SLC29A4: variants seen among roughly 807,000 people sequenced by gnomAD.
SLC29A4 encodes solute carrier family 29 member 4.
In SLC29A4, 36 loss-of-function variants were observed where a neutral mutation model predicts 43.9. The ratio of observed to expected loss-of-function variants is 0.82; its 90% CI spans 0.63 to 1.08. The LOEUF (loss-of-function observed/expected upper bound fraction) is 1.08, where lower values mean the gene tolerates loss of function less well. Ranked by LOEUF, SLC29A4 falls within the 50% of genes least tolerant of loss-of-function variation. SLC29A4 has a pLI of 0.00. For synonymous variants in SLC29A4, 491 were observed against 338.0 expected (o/e 1.45, Z -4.97); for missense variants, 869 against 755.3 (o/e 1.15, Z -1.77).
At chr7:5,288,087 T>C in intron 2 of SLC29A4, 102 bp downstream of exon 2, 1 of 1,388,840 alleles carries the variant, frequency 7.2e-7, no homozygotes, top group East Asian at 2.5e-5. Context: ...TGGGTGGTCA[T>C]GGAGGACTGG....
Position 5,297,061 on chromosome 7 carries a change from CACCTGTT to C in SLC29A4, c.747_753del (p.His249GlnfsTer65). The C allele has an allele frequency of 6.2e-7, 1 of 1,608,050 alleles. No homozygotes were observed. Among genetic ancestry groups the C allele is most frequent in the Non-Finnish European group, 8.5e-7 (1 of 1,179,804 alleles). Reference sequence around the variant, plus strand: ...GCTGGAGCTGCTGTGTTTCCTGCTGCACCTGTTAGTGCGGCGCAGCCGCTTCGTGCTC... The same window carrying C: ...GCTGGAGCTGCTGTGTTTCCTGCTGCAGTGCGGCGCAGCCGCTTCGTGCTC... On this transcript the variant is annotated frameshift_variant, in exon 7 of 11. Transcript: ENST00000396872. LOFTEE classifies it high-confidence loss of function.
Position 5,305,215 on chromosome 7 carries a change from C to T in SLC29A4, c.*2276C>T, listed in dbSNP as rs536763837. The T allele has an allele frequency of 6.6e-6, 1 of 152,518 alleles. No homozygotes were observed. Among genetic ancestry groups the T allele is most frequent in the East Asian group, 1.9e-4 (1 of 5,194 alleles). The allele number at this position is 152,518 out of a possible 1,614,324, so 9.4% of individuals were successfully genotyped here. A position where few individuals can be genotyped will look rare whatever the true frequency, so the allele number is the denominator to read the frequency against. On this transcript the variant is annotated 3_prime_UTR_variant, in exon 11 of 11. Coordinates refer to ENST00000396872, the MANE Select transcript of SLC29A4 (RefSeq NM_153247.4). ...GGGCCACCTATGCTCTGGCAGGCAT[C>T]CTCCCTGGGGCCCAGGTGGGCGGCC...
At chr7:5,297,545 G>T (rs1169082949) in intron 7 of SLC29A4, among the ~76,000 whole-genome samples, 1 of 152,206 alleles carries the variant, frequency 6.6e-6, no homozygotes, top group African/African-American at 2.4e-5. Flanking sequence ...GACAGCCCAC[G>T]TTCATTCTGA....
At chr7:5,295,116 G>A (rs958495892) in intron 6 of SLC29A4, among the ~76,000 whole-genome samples, 182 bp downstream of exon 6, 1 of 152,136 alleles carries the variant, frequency 6.6e-6, no homozygotes, top group Non-Finnish European at 1.5e-5. Context: ...GAAAAGGGGT[G>A]CACTCCCACA....
rs112858373 is a variant in SLC29A4 at position 5,303,265 on chromosome 7, G to A, written c.*326G>A. On this transcript the variant is annotated 3_prime_UTR_variant, in exon 11 of 11. Transcript: ENST00000396872. The stretch of plus-strand genomic sequence containing the variant: ...CACTCTGCAGGGTCACACGCACCGT[G>A]TCCCCACCCAGGACAGCAGACACCC... 48 of 419,492 alleles carry A rather than the reference G, an allele frequency of 1.1e-4. 1 individual carries two copies. Among genetic ancestry groups the A allele is most frequent in the African/African-American group, 8.8e-4 (43 of 48,892 alleles). 26.0% of individuals were successfully genotyped at this position (419,492 alleles called of 1,614,324 possible). A position where few individuals can be genotyped will look rare whatever the true frequency, so the allele number is the denominator to read the frequency against.
intron 2 of SLC29A4, 43 bp downstream of exon 2, chr7:5,288,028 A>C: frequency 6.4e-7 from 1 of 1,562,934 alleles, no homozygotes; most frequent in Non-Finnish European, 8.6e-7. Context: ...GCCCCAAAGC[A>C]GGCTGGGCTG....
Position 5,300,598 on chromosome 7 carries a change from C to T in SLC29A4, c.1386C>T (p.Tyr462=), listed in dbSNP as rs1340769010. 13 of 1,611,246 alleles carry T rather than the reference C, an allele frequency of 8.1e-6. No individual in the cohort carries two copies. The highest frequency in any genetic ancestry group is 3.3e-5 in the Admixed American group (2 of 59,936). ...TGCTCATGGGCATCAGCAACGGCTA[C>T]TTCGGCAGCGTGCCCATGATCCTGG... ...FSLLMGISNG[Y]FGSVPMILAA... is the part of the protein sequence containing the mutation. Residue 462 remains tyrosine, a synonymous_variant, in exon 10 of 11, where the codon TAC becomes TAT. Coordinates refer to ENST00000396872, the MANE Select transcript of SLC29A4 (RefSeq NM_153247.4).
At chr7:5,296,247 C>T (rs1172687466) in intron 6 of SLC29A4, among the ~76,000 whole-genome samples, 1 of 152,084 alleles carries the variant, frequency 6.6e-6, no homozygotes, top group South Asian at 2.1e-4. Context: ...CCTTTCTGCC[C>T]CCTGCCTGAA....
chr7:5,292,592 C>G (rs1469551155), intron 5 of SLC29A4, among the ~76,000 whole-genome samples: 2 of 151,396 alleles, frequency 1.3e-5, no homozygotes, highest in Non-Finnish European at 2.9e-5. Flanking sequence ...CATATTTTCC[C>G]TTGCACCATT....
rs545305626 is a variant in SLC29A4 at position 5,295,450 on chromosome 7, A to G, written c.619+516A>G. Among the ~76,000 whole-genome samples, 11 of 152,196 alleles carry G rather than the reference A, an allele frequency of 7.2e-5. No individual in the cohort carries two copies. The South Asian group carries it at 2.3e-3, about 32-fold the overall frequency. On this transcript the variant is annotated intron_variant, in intron 6 of 10. Coordinates refer to ENST00000396872, the MANE Select transcript of SLC29A4 (RefSeq NM_153247.4). The stretch of plus-strand genomic sequence containing the variant: ...AATCACACCCACCCCTTCTCAGCAA[A>G]TGGCACCCCTTTGCTCACGCCTGAA...
At chr7:5,300,782 C>T in intron 10 of SLC29A4, 120 bp downstream of exon 10, 3 of 1,366,736 alleles carry the variant, frequency 2.2e-6, no homozygotes, top group Non-Finnish European at 2.0e-6. Context: ...TCAGAACAGT[C>T]AGTGTCTGGG....
chr7:5,293,564 A>C (rs1373138313), intron 5 of SLC29A4, among the ~76,000 whole-genome samples: 2 of 152,228 alleles, frequency 1.3e-5, no homozygotes, highest in East Asian at 3.8e-4. Flanking sequence ...GTGTGTATTT[A>C]TAAATGATGT....
At position 5,306,187 on chromosome 7, in the gene SLC29A4, A is replaced by AT; in HGVS notation, c.*3251dup. 8.5e-6 allele frequency: 1 copy of AT among 117,606 alleles called. No homozygotes were observed. The highest frequency in any genetic ancestry group is 2.5e-4 in the East Asian group (1 of 4,004). 7.3% of individuals were successfully genotyped at this position (117,606 alleles called of 1,614,324 possible). Reference sequence around the variant, plus strand: ...ATTTTTTCTCATGTAAATTTGTTCAATTTCTTTTTTTTTTTTTTTTTTTTT... The same window carrying AT: ...ATTTTTTCTCATGTAAATTTGTTCAATTTTCTTTTTTTTTTTTTTTTTTTTT... On this transcript the variant is annotated 3_prime_UTR_variant, in exon 11 of 11. Coordinates refer to ENST00000396872, the MANE Select transcript of SLC29A4 (RefSeq NM_153247.4).
chr7:5,304,532 TGAGTCTTGCTCTTGTCACCCAGGCTG>T lies in SLC29A4; in HGVS notation c.*1598_*1623del, dbSNP rs1272361780. ...TCTTTTTTTATTTTTTTTTTGAGAC[TGAGTCTTGCTCTTGTCACCCAGGCTG>T]GAGTGCAGTGGCACGATCTTGGCTC... On this transcript the variant is annotated 3_prime_UTR_variant, in exon 11 of 11. Transcript: ENST00000396872. 1.3e-5 allele frequency: 2 copies of T among 152,126 alleles called. No homozygotes were observed. Among genetic ancestry groups the T allele is most frequent in the African/African-American group, 4.8e-5 (2 of 41,388 alleles). 9.4% of individuals were successfully genotyped at this position (152,126 alleles called of 1,614,324 possible).
chr7:5,303,150 G>T lies in SLC29A4; in HGVS notation c.*211G>T. 1.6e-6 allele frequency: 1 copy of T among 625,720 alleles called. No individual in the cohort carries two copies. Among genetic ancestry groups the T allele is most frequent in the Non-Finnish European group, 2.8e-6 (1 of 361,900 alleles). 38.8% of individuals were successfully genotyped at this position (625,720 alleles called of 1,614,324 possible). A position where few individuals can be genotyped will look rare whatever the true frequency, so the allele number is the denominator to read the frequency against. Reference sequence around the variant, plus strand: ...ACCGGAACACGTTTCTGCGACCCGGGGCTCTGGCCAGCACTGTGTTCTGCG... The same window carrying T: ...ACCGGAACACGTTTCTGCGACCCGGTGCTCTGGCCAGCACTGTGTTCTGCG... On this transcript the variant is annotated 3_prime_UTR_variant, in exon 11 of 11. Transcript: ENST00000396872.
At chr7:5,297,435 C>T (rs147973364) in intron 7 of SLC29A4, among the ~76,000 whole-genome samples, 75 of 152,342 alleles carry the variant, frequency 4.9e-4, no homozygotes, top group Middle Eastern at 3.4e-3. Flanking sequence ...ATCTGTGGTC[C>T]GGGGATCTGC....
Position 5,290,752 on chromosome 7 carries a change from G to A in SLC29A4, c.190G>A (p.Asp64Asn), listed in dbSNP as rs140231673. The A allele has an allele frequency of 4.3e-5, 69 of 1,612,858 alleles. 1 individual carries two copies. The highest frequency in any genetic ancestry group is 1.9e-4 in the South Asian group (17 of 90,988). ...TTTAGCATTGGACGAGCCAGTGCCC[G>A]ATGACCGTTATCACGCCATCTACTT... The part of the protein sequence containing the change: ...TDTTLDEPVP[D>N]DRYHAIYFAM... The change falls in exon 3 of 11, where the codon GAT becomes AAT. Residue 64 changes from aspartate (D) to asparagine (N), a missense_variant. Coordinates refer to ENST00000396872, the MANE Select transcript of SLC29A4 (RefSeq NM_153247.4).
chr7:5,296,975 C>T lies in SLC29A4; in HGVS notation c.659C>T (p.Thr220Met), dbSNP rs761452554. The T allele has an allele frequency of 2.5e-6, 4 of 1,601,030 alleles. No homozygotes were observed. Among genetic ancestry groups the T allele is most frequent in the East Asian group, 2.2e-5 (1 of 44,850 alleles). ...ATGATCTCTCTGAGCCGCATCCTCA[C>T]GAAGCTGCTGCTGCCCGACGAGCGC... is the stretch of plus-strand genomic sequence containing the variant. ...GVMISLSRIL[T>M]KLLLPDERAS... The change falls in exon 7 of 11, where the codon ACG becomes ATG. Residue 220 changes from threonine to methionine, a missense_variant. Thr to Met is a moderately conservative substitution (Grantham distance 81, BLOSUM62 -1). Transcript: ENST00000396872.
intron 7 of SLC29A4, among the ~76,000 whole-genome samples, chr7:5,298,366 C>T (rs1161527116): frequency 6.6e-6 from 1 of 152,056 alleles, no homozygotes; most frequent in Admixed American, 6.6e-5. Flanking sequence ...GGGTCAGAGG[C>T]TGGGAGGAGC....
Sources: allele counts gnomAD v4.1 joint callset (sites outside exome capture counted in the v4.1 genomes callset), GRCh38; gene constraint gnomAD v4.1.1; transcripts MANE v1.5; gene names NCBI Gene and HGNC (gene_info 2026-07-23, HGNC 2026-07-21).